Variants in EIF2A observed in about 807,000 individuals in gnomAD.
The protein encoded by EIF2A is eukaryotic translation initiation factor 2A.
A neutral mutation model predicts 75.2 loss-of-function variants in EIF2A; 62 were observed. The ratio of observed to expected loss-of-function variants is 0.82; its 90% CI spans 0.67 to 1.02. The LOEUF is 1.02. Among genes scored for constraint, EIF2A ranks in the 50% least tolerant of loss-of-function variants. The pLI, the probability that EIF2A is intolerant of heterozygous loss-of-function variation, is 0.00. For missense variants in EIF2A, 611 were observed against 677.7 expected, an observed-to-expected ratio of 0.90 and a Z score of 1.09; for synonymous variants, 207 against 239.0, an observed-to-expected ratio of 0.87 and a Z score of 1.23.
intron 11 of EIF2A, among the ~76,000 whole-genome samples, chr3:150,580,685 G>GGCTT (rs1245211280): frequency 2.6e-5 from 4 of 151,990 alleles, no homozygotes; most frequent in Non-Finnish European, 4.4e-5. Context: ...AGCACTTTAC[G>GGCTT]GCTTCTCTTT....
At chr3:150,564,246 G>A in intron 5 of EIF2A, 53 bp from the exon 6 acceptor site, 2 of 1,350,698 alleles carry the variant, frequency 1.5e-6, no homozygotes, top group African/African-American at 3.0e-5. Flanking sequence ...TTAATGTGAT[G>A]TTACATTCTG....
In EIF2A at chr3:150,585,586, G is replaced by A. The variant is rs578246069; in HGVS notation, c.*1675G>A. On this transcript the variant is annotated 3_prime_UTR_variant, in exon 14 of 14. Coordinates refer to ENST00000460851, the MANE Select transcript of EIF2A (RefSeq NM_032025.5). ...AGTCTCTCTCTCTTATCTCTCTCAG[G>A]ATGTGTGTATGTGTTTGTTTCTCTG... is the stretch of plus-strand genomic sequence containing the variant. 29 of 152,290 alleles carry A rather than the reference G, an allele frequency of 1.9e-4. No homozygotes were observed. The highest frequency in any genetic ancestry group is 6.7e-4 in the African/African-American group (28 of 41,548). The allele number at this position is 152,290 out of a possible 1,614,324, so 9.4% of individuals were successfully genotyped here. A position where few individuals can be genotyped will look rare whatever the true frequency, so the allele number is the denominator to read the frequency against.
intron 5 of EIF2A, 130 bp downstream of exon 5, chr3:150,563,744 TG>T (rs1434603675): frequency 2.7e-6 from 2 of 751,336 alleles, no homozygotes; most frequent in Non-Finnish European, 4.1e-6. Flanking sequence ...TTAAGGATTT[TG>T]TATGTAGGAA....
intron 3 of EIF2A, among the ~76,000 whole-genome samples, chr3:150,560,313 T>G (rs1723782407): frequency 6.6e-6 from 1 of 152,226 alleles, no homozygotes; most frequent in Non-Finnish European, 1.5e-5. Context: ...GAACTAGATT[T>G]CATGTATTGA....
chr3:150,551,650 T>A (rs1723322702), intron 1 of EIF2A, among the ~76,000 whole-genome samples: 1 of 152,010 alleles, frequency 6.6e-6, no homozygotes, highest in Non-Finnish European at 1.5e-5. Flanking sequence ...ATCACTTAAG[T>A]CCAGGAGTTT....
chr3:150,581,585 T>C, intron 11 of EIF2A, 33 bp from the exon 12 acceptor site: 1 of 1,546,616 alleles, frequency 6.5e-7, no homozygotes, highest in South Asian at 1.2e-5. Flanking sequence ...TTTTTGGCTT[T>C]TAAAATTGAA....
At chr3:150,546,857 T>C (rs750737613) in intron 1 of EIF2A, 27 bp downstream of exon 1, 2 of 1,610,842 alleles carry the variant, frequency 1.2e-6, no homozygotes, top group South Asian at 1.1e-5. Flanking sequence ...CGAGGGACTC[T>C]CTTTCTTCAG....
intron 3 of EIF2A, among the ~76,000 whole-genome samples, chr3:150,558,933 A>G (rs1267915106): frequency 1.3e-5 from 2 of 152,222 alleles, no homozygotes; most frequent in East Asian, 1.9e-4. Context: ...TATATGTTAC[A>G]TAAAATACCA....
At chr3:150,552,013 A>AACC (rs1472940885) in intron 1 of EIF2A, among the ~76,000 whole-genome samples, 1 of 152,204 alleles carries the variant, frequency 6.6e-6, no homozygotes, top group Non-Finnish European at 1.5e-5. Context: ...AGATTAGGTC[A>AACC]CAGATTCAGA....
intron 9 of EIF2A, among the ~76,000 whole-genome samples, chr3:150,569,778 G>A (rs527435714): frequency 3.1e-4 from 47 of 151,706 alleles, no homozygotes; most frequent in East Asian, 1.7e-3. Flanking sequence ...TCGTGCCACC[G>A]CACTCCAGCC....
In EIF2A at chr3:150,584,132, A is replaced by G. The variant is rs1725344500; in HGVS notation, c.*221A>G. On this transcript the variant is annotated 3_prime_UTR_variant, in exon 14 of 14. Coordinates refer to ENST00000460851, the MANE Select transcript of EIF2A (RefSeq NM_032025.5). Reference sequence around the variant, plus strand: ...ATCATGTCAATATGTGATATAGAAAAGAGATACGTGAATTTTTTAGCTAAG... The same window carrying G: ...ATCATGTCAATATGTGATATAGAAAGGAGATACGTGAATTTTTTAGCTAAG... 7.0e-6 allele frequency: 3 copies of G among 426,834 alleles called. No individual in the cohort carries two copies. The highest frequency in any genetic ancestry group is 1.2e-5 in the Non-Finnish European group (3 of 245,856). 26.4% of individuals were successfully genotyped at this position (426,834 alleles called of 1,614,324 possible). A position where few individuals can be genotyped will look rare whatever the true frequency, so the allele number is the denominator to read the frequency against.
In EIF2A at chr3:150,567,782, G is replaced by T; in HGVS notation, c.549+16G>T. The T allele has an allele frequency of 6.4e-7, 1 of 1,569,142 alleles. No individual in the cohort carries two copies. Among genetic ancestry groups the T allele is most frequent in the Non-Finnish European group, 8.6e-7 (1 of 1,157,146 alleles). On this transcript the variant is annotated intron_variant, in intron 7 of 13. Transcript: ENST00000460851. ...ACCATACAAGGTAATTGCTGTTTTT[G>T]TTTATGTGTAATATTATGTGTTTAA... is the stretch of plus-strand genomic sequence containing the variant.
chr3:150,585,394 C>G lies in EIF2A; in HGVS notation c.*1483C>G, dbSNP rs1329572346. ...AGTATCCAGGCGTGGTAGCACATACCTGTAATCCCAGCTACTTGGGAGGCT... is the reference window on the plus strand; with the variant it reads ...AGTATCCAGGCGTGGTAGCACATACGTGTAATCCCAGCTACTTGGGAGGCT... On this transcript the variant is annotated 3_prime_UTR_variant, in exon 14 of 14. Coordinates refer to ENST00000460851, the MANE Select transcript of EIF2A (RefSeq NM_032025.5). The G allele has an allele frequency of 6.6e-6, 1 of 152,250 alleles. No individual in the cohort carries two copies. Among genetic ancestry groups the G allele is most frequent in the African/African-American group, 2.4e-5 (1 of 41,446 alleles). The allele number at this position is 152,250 out of a possible 1,614,324, so 9.4% of individuals were successfully genotyped here.
At position 150,583,230 on chromosome 3, in the gene EIF2A, C is replaced by T. The variant is rs747993769; in HGVS notation, c.1657C>T (p.Gln553Ter). The T allele has an allele frequency of 2.5e-6, 4 of 1,612,682 alleles. No individual in the cohort carries two copies. The Admixed American group carries it at 6.7e-5, about 27-fold the overall frequency. ...GAAAGCAATCGAACAACTGAAAGAA[C>T]AAGCAGCAACTGGAAAACAGCTAGA... ...KLKAIEQLKE[Q>*]AATGKQLEKN... The change falls in exon 13 of 14, where the codon CAA (glutamine) becomes TAA (stop). Residue 553 changes from glutamine (Q) to a stop codon, truncating the protein, a stop_gained. Coordinates refer to ENST00000460851, the MANE Select transcript of EIF2A (RefSeq NM_032025.5). LOFTEE classifies it high-confidence loss of function.
At chr3:150,554,042 T>A (rs563399974) in intron 2 of EIF2A, among the ~76,000 whole-genome samples, 3 of 152,304 alleles carry the variant, frequency 2.0e-5, no homozygotes, top group Non-Finnish European at 4.4e-5. Flanking sequence ...ACAGAAAATG[T>A]ACAAGTTGAG....
chr3:150,548,534 C>T (rs1228706900), intron 1 of EIF2A, among the ~76,000 whole-genome samples: 1 of 152,140 alleles, frequency 6.6e-6, no homozygotes, highest in African/African-American at 2.4e-5. Context: ...TCCCCAACCC[C>T]CTGGGCCGGA....
At chr3:150,583,817 A>G (rs751070366) in intron 13 of EIF2A, 29 bp from the exon 14 acceptor site, 44 of 1,606,192 alleles carry the variant, frequency 2.7e-5, no homozygotes, top group Non-Finnish European at 3.5e-5. Context: ...ATTATTTCAT[A>G]ATAACTTCAT....
At chr3:150,566,941 A>C (rs1724215932) in intron 6 of EIF2A, 1 of 152,224 alleles carries the variant, frequency 6.6e-6, no homozygotes, top group African/African-American at 2.4e-5. Flanking sequence ...GCATCCAATC[A>C]GTATAGTTAT....
In EIF2A at chr3:150,552,353, T is replaced by C. The variant is rs1327859360; in HGVS notation, c.29-3T>C. 9 of 1,549,758 alleles carry C rather than the reference T, an allele frequency of 5.8e-6. No homozygotes were observed. The highest frequency in any genetic ancestry group is 1.4e-5 in the African/African-American group (1 of 73,096). ...TGTGGTTCTTTTTATTTTACTTCTT[T>C]AGTCCGAGGATCAGAAGGACTGTAC... On this transcript the variant is annotated splice_polypyrimidine_tract_variant and splice_region_variant and intron_variant, in intron 1 of 13. Coordinates refer to ENST00000460851, the MANE Select transcript of EIF2A (RefSeq NM_032025.5).
Sources: gnomAD v4.1 joint callset for allele counts (sites outside exome capture counted in the v4.1 genomes callset) on GRCh38, gnomAD v4.1.1 for gene constraint, MANE v1.5 for transcripts, NCBI Gene and HGNC (gene_info 2026-07-23, HGNC 2026-07-21) for gene names.